MAML3: variants seen among roughly 807,000 people sequenced by gnomAD.
MAML3 encodes mastermind like transcriptional coactivator 3, also known as mastermind-like protein 3.
Under a neutral mutation model 101.9 loss-of-function variants are expected in MAML3, and 27 were observed. The observed-to-expected ratio is 0.27, with a 90% CI of 0.20 to 0.37. The LOEUF (loss-of-function observed/expected upper bound fraction) is 0.37. Ranked by LOEUF, MAML3 falls within the 10% of genes least tolerant of loss-of-function variation. The pLI is 1.00. For missense variants in MAML3, 1,316 were observed against 1,444.9 expected (o/e 0.91, Z 1.45); for synonymous variants, 501 against 555.9 (o/e 0.90, Z 1.39).
chr4:139,813,486 A>C (rs925563123), intron 2 of MAML3, among the ~76,000 whole-genome samples: 1 of 152,218 alleles, frequency 6.6e-6, no homozygotes, highest in Non-Finnish European at 1.5e-5. Flanking sequence ...CTTGGAAGCA[A>C]GAAGAAAATG....
intron 2 of MAML3, among the ~76,000 whole-genome samples, chr4:139,869,523 C>T (rs995012565): frequency 6.6e-6 from 1 of 152,048 alleles, no homozygotes; most frequent in African/African-American, 2.4e-5. Context: ...AATGTCTTGC[C>T]AAAATGATGC....
At chr4:139,999,863 T>C (rs1352321379) in intron 1 of MAML3, among the ~76,000 whole-genome samples, 1 of 152,172 alleles carries the variant, frequency 6.6e-6, no homozygotes, top group Non-Finnish European at 1.5e-5. Flanking sequence ...TGGATATACA[T>C]TAAGAACTCA....
At chr4:139,910,771 G>A (rs1732901559) in intron 1 of MAML3, among the ~76,000 whole-genome samples, 1 of 152,118 alleles carries the variant, frequency 6.6e-6, no homozygotes, top group African/African-American at 2.4e-5. Context: ...GAAGGAGAAG[G>A]GAAGTCAGGA....
chr4:139,979,800 C>T (rs1163329967), intron 1 of MAML3, among the ~76,000 whole-genome samples: 1 of 152,172 alleles, frequency 6.6e-6, no homozygotes, highest in African/African-American at 2.4e-5. Context: ...GCCGTGATCT[C>T]GGACTTCCCA....
At chr4:139,982,558 C>G (rs1734462489) in intron 1 of MAML3, among the ~76,000 whole-genome samples, 2 of 152,126 alleles carry the variant, frequency 1.3e-5, no homozygotes, top group African/African-American at 4.8e-5. Flanking sequence ...TGAATGCTAA[C>G]CTACCACATA....
chr4:139,904,596 A>G (rs1256822171), intron 1 of MAML3, among the ~76,000 whole-genome samples: 1 of 152,224 alleles, frequency 6.6e-6, no homozygotes, highest in Non-Finnish European at 1.5e-5. Context: ...GCTGACACAC[A>G]ACCCGAGAAC....
intron 2 of MAML3, among the ~76,000 whole-genome samples, chr4:139,837,358 C>T (rs1246504820): frequency 6.6e-6 from 1 of 151,634 alleles, no homozygotes; most frequent in African/African-American, 2.4e-5. Context: ...ATTAGCTGGG[C>T]CTGGTGGTGG....
chr4:139,874,134 A>C (rs1218782409), intron 2 of MAML3, among the ~76,000 whole-genome samples: 1 of 152,192 alleles, frequency 6.6e-6, no homozygotes. Context: ...AACAAAGAGA[A>C]ATGATTTTTC....
At chr4:140,057,028 A>G (rs1470972912) in intron 1 of MAML3, among the ~76,000 whole-genome samples, 3 of 152,202 alleles carry the variant, frequency 2.0e-5, no homozygotes, top group Non-Finnish European at 4.4e-5. Flanking sequence ...AACTTGCCCA[A>G]ATCAGAAGCA....
chr4:139,921,440 C>A (rs1335045943), intron 1 of MAML3, among the ~76,000 whole-genome samples: 2 of 152,174 alleles, frequency 1.3e-5, no homozygotes, highest in Non-Finnish European at 2.9e-5. Context: ...TCAACACCAC[C>A]ATTCCCTCAG....
chr4:140,058,626 T>C (rs1193457806), intron 1 of MAML3, among the ~76,000 whole-genome samples: 1 of 151,832 alleles, frequency 6.6e-6, no homozygotes, highest in Non-Finnish European at 1.5e-5. Context: ...GTATCTTGCC[T>C]GTCTCAGTTA....
chr4:139,787,957 ATTC>A (rs1445873089), intron 2 of MAML3, among the ~76,000 whole-genome samples: 1 of 152,216 alleles, frequency 6.6e-6, no homozygotes, highest in Non-Finnish European at 1.5e-5. Flanking sequence ...TTTGCCATCT[ATTC>A]TTGTTACACT....
intron 2 of MAML3, among the ~76,000 whole-genome samples, chr4:139,818,545 T>A (rs1362416861): frequency 6.6e-6 from 1 of 152,202 alleles, no homozygotes; most frequent in Non-Finnish European, 1.5e-5. Flanking sequence ...GAGAAGTCCA[T>A]CCTCCTAAGA....
At chr4:140,000,492 C>T (rs1055791943) in intron 1 of MAML3, among the ~76,000 whole-genome samples, 2 of 152,292 alleles carry the variant, frequency 1.3e-5, no homozygotes, top group African/African-American at 4.8e-5. Flanking sequence ...GATGATGTAA[C>T]AAATTGGTTC....
At chr4:140,033,323 G>A (rs1369989397) in intron 1 of MAML3, among the ~76,000 whole-genome samples, 1 of 152,202 alleles carries the variant, frequency 6.6e-6, no homozygotes, top group Non-Finnish European at 1.5e-5. Flanking sequence ...CAAAATGTAG[G>A]TATCTAGAAA....
At chr4:139,893,422 T>G (rs970431712) in intron 1 of MAML3, among the ~76,000 whole-genome samples, 1 of 152,158 alleles carries the variant, frequency 6.6e-6, no homozygotes, top group Non-Finnish European at 1.5e-5. Flanking sequence ...TTTCACACTT[T>G]GGGGCAGCTG....
At chr4:140,110,402 C>A (rs1423890540) in intron 1 of MAML3, among the ~76,000 whole-genome samples, 1 of 152,166 alleles carries the variant, frequency 6.6e-6, no homozygotes. Flanking sequence ...TTCCAGCATT[C>A]TTCACACCTT....
chr4:140,121,515 C>G (rs1201895213), intron 1 of MAML3, among the ~76,000 whole-genome samples: 1 of 151,928 alleles, frequency 6.6e-6, no homozygotes, highest in Admixed American at 6.6e-5. Context: ...TGTGTAGACT[C>G]AAAGTAGAGA....
intron 2 of MAML3, among the ~76,000 whole-genome samples, chr4:139,886,283 A>T (rs1732337353): frequency 6.6e-6 from 1 of 152,072 alleles, no homozygotes; most frequent in African/African-American, 2.4e-5. Flanking sequence ...GAATTTTTTT[A>T]AAAAAAGAAT....
Sources: gnomAD v4.1 joint callset for allele counts (sites outside exome capture counted in the v4.1 genomes callset) on GRCh38, gnomAD v4.1.1 for gene constraint, MANE v1.5 for transcripts, NCBI Gene and HGNC (gene_info 2026-07-23, HGNC 2026-07-21) for gene names.